The following TRMO variants were observed in gnomAD, a reference collection of about 807,000 sequenced individuals.
The protein encoded by TRMO is tRNA (adenine(37)-N6)-methyltransferase.
TRMO carries 30 observed loss-of-function variants against 37.2 expected under a neutral mutation model. That is an observed-to-expected ratio of 0.81 (90% confidence interval 0.60 to 1.09). The LOEUF (loss-of-function observed/expected upper bound fraction) is 1.09. Ranked by LOEUF, TRMO falls within the 50% of genes least tolerant of loss-of-function variation. The pLI is 0.00. For missense variants in TRMO, 552 were observed against 549.5 expected (o/e 1.00, Z -0.05); for synonymous variants, 239 against 199.4 (o/e 1.20, Z -1.67).
rs371742759 is a variant in TRMO at position 97,919,746 on chromosome 9, G to A, written c.76+2672C>T. On this transcript the variant is annotated intron_variant, in intron 1 of 4. Coordinates refer to ENST00000375119, the MANE Select transcript of TRMO (RefSeq NM_016481.5). ...TTTTCACAGATTACACATATGATATGATAAATATAAGTGGCTGCCAATTAG... is the reference window on the plus strand; with the variant it reads ...TTTTCACAGATTACACATATGATATAATAAATATAAGTGGCTGCCAATTAG... Among the ~76,000 whole-genome samples, 30 of 152,272 alleles carry A rather than the reference G, an allele frequency of 2.0e-4. 1 individual carries two copies. Among genetic ancestry groups the A allele is most frequent in the African/African-American group, 7.2e-4 (30 of 41,562 alleles).
At chr9:97,898,836 TAC>T in the TRMO span, among the ~76,000 whole-genome samples, 1 of 125,052 alleles carries the variant, frequency 8.0e-6, no homozygotes, top group Non-Finnish European at 1.6e-5. Context: ...TATATATATA[TAC>T]TTTTTTTTTT....
chr9:97,910,750 C>G (rs1348300957), intron 3 of TRMO, 134 bp from the exon 4 acceptor site: 5 of 965,068 alleles, frequency 5.2e-6, no homozygotes, highest in Non-Finnish European at 7.6e-6. Flanking sequence ...AGACCTAGTA[C>G]CAACACACAC....
intron 3 of TRMO, chr9:97,911,387 A>G (rs1240792450): frequency 6.5e-6 from 1 of 152,962 alleles, no homozygotes; most frequent in Non-Finnish European, 1.5e-5. Context: ...GCCAACAACC[A>G]GCAAGAATCT....
intron 1 of TRMO, among the ~76,000 whole-genome samples, chr9:97,918,907 G>T (rs1471515506): frequency 6.6e-6 from 1 of 152,104 alleles, no homozygotes; most frequent in Non-Finnish European, 1.5e-5. Context: ...TTTAGAGAAT[G>T]ATTTTGTTAC....
chr9:97,898,874 C>T, the TRMO span, among the ~76,000 whole-genome samples: 1 of 107,948 alleles, frequency 9.3e-6, no homozygotes. Flanking sequence ...GAGACTCGCT[C>T]TGTCAGCCAG....
At chr9:97,918,228 A>C (rs1363983374) in intron 1 of TRMO, among the ~76,000 whole-genome samples, 1 of 145,868 alleles carries the variant, frequency 6.9e-6, no homozygotes, top group Non-Finnish European at 1.5e-5. Context: ...TAGAAGTACA[A>C]AAAAAAAAAA....
intron 4 of TRMO, 147 bp from the exon 5 acceptor site, chr9:97,905,139 G>A (rs1326298923): frequency 1.3e-5 from 12 of 890,254 alleles, no homozygotes; most frequent in Non-Finnish European, 2.1e-5. Context: ...TACGGAGACT[G>A]TCACCGTCAA....
At chr9:97,921,254 A>G (rs886345825) in intron 1 of TRMO, among the ~76,000 whole-genome samples, 4 of 152,320 alleles carry the variant, frequency 2.6e-5, no homozygotes, top group African/African-American at 9.6e-5. Context: ...ATTAGAGCAC[A>G]TATCTAAAAC....
intron 1 of TRMO, among the ~76,000 whole-genome samples, chr9:97,921,734 T>C (rs762693483): frequency 2.0e-4 from 30 of 152,212 alleles, no homozygotes; most frequent in Non-Finnish European, 4.0e-4. Flanking sequence ...CAAAGTGTTA[T>C]AATTAACATT....
At chr9:97,915,959 T>G (rs1276927950) in intron 2 of TRMO, among the ~76,000 whole-genome samples, 3 of 152,172 alleles carry the variant, frequency 2.0e-5, no homozygotes, top group African/African-American at 7.2e-5. Context: ...AAGGATACCT[T>G]GAGCTCGGGA....
intron 1 of TRMO, among the ~76,000 whole-genome samples, chr9:97,918,789 C>T (rs755382401): frequency 2.6e-5 from 4 of 152,164 alleles, no homozygotes; most frequent in East Asian, 1.9e-4. Context: ...AAAACTAGAG[C>T]GTTACTAACG....
Position 97,904,848 on chromosome 9 carries a change from G to A in TRMO, c.1211C>T (p.Ala404Val), listed in dbSNP as rs749741132. Residue 404 changes from alanine to valine, a missense_variant, in exon 5 of 5, where the codon GCG (alanine) becomes GTG (valine). Transcript: ENST00000375119. Reference protein sequence around the residue: ...DRLFYFTVDIAHVTCWFGDGF... With the variant: ...DRLFYFTVDIVHVTCWFGDGF... ...ATCACCAAACCAGCAAGTGACATGC[G>A]CTATGTCTACAGTAAAGTAGAAAAG... 5 of 1,614,028 alleles carry A rather than the reference G, an allele frequency of 3.1e-6. No homozygotes were observed. Among genetic ancestry groups the A allele is most frequent in the East Asian group, 2.2e-5 (1 of 44,902 alleles).
At chr9:97,917,394 G>A (rs1016783305) in intron 1 of TRMO, among the ~76,000 whole-genome samples, 1 of 152,196 alleles carries the variant, frequency 6.6e-6, no homozygotes, top group Admixed American at 6.5e-5. Flanking sequence ...CCTCTAGAAT[G>A]TAAGCTCCAT....
At chr9:97,921,017 A>G (rs1018221371) in intron 1 of TRMO, among the ~76,000 whole-genome samples, 2 of 152,174 alleles carry the variant, frequency 1.3e-5, no homozygotes, top group African/African-American at 2.4e-5. Context: ...TAGACTTCTG[A>G]GCCCTGGCTT....
Position 97,910,392 on chromosome 9 carries a change from G to A in TRMO, c.634C>T (p.His212Tyr), listed in dbSNP as rs1826062275. The change falls in exon 4 of 5, where the codon CAC (histidine) becomes TAC (tyrosine). Residue 212 changes from histidine (H) to tyrosine (Y), a missense_variant. Coordinates refer to ENST00000375119, the MANE Select transcript of TRMO (RefSeq NM_016481.5). The part of the protein sequence containing the change: ...QLSGCDEPQP[H>Y]HSTKRKPKCP... The stretch of plus-strand genomic sequence containing the variant: ...TTAGGTTTCCTCTTAGTGCTATGGT[G>A]GGGTTGTGGCTCATCACACCCTGAG... The A allele has an allele frequency of 6.2e-7, 1 of 1,614,198 alleles. No homozygotes were observed.
the TRMO span, among the ~76,000 whole-genome samples, chr9:97,899,193 G>C: frequency 6.6e-6 from 1 of 151,926 alleles, no homozygotes; most frequent in Non-Finnish European, 1.5e-5. Context: ...GCTAGGATTA[G>C]GAAAGAAAGT....
At chr9:97,912,805 C>G in intron 3 of TRMO, 1 of 647,062 alleles carries the variant, frequency 1.5e-6, no homozygotes, top group Non-Finnish European at 2.5e-6. Flanking sequence ...GAATGGAATG[C>G]TTTCCATAAA....
At chr9:97,907,541 T>C (rs1023104556) in intron 4 of TRMO, among the ~76,000 whole-genome samples, 1 of 152,176 alleles carries the variant, frequency 6.6e-6, no homozygotes, top group Admixed American at 6.5e-5. Flanking sequence ...TTTCTGGATA[T>C]AGAATGAAAG....
chr9:97,904,565 G>A lies in TRMO; in HGVS notation c.*168C>T. ...TCTGTATTTTATATCTCTTTGTTAAGTTTATTAATGTATACGTTTTTCAAA... is the reference window on the plus strand; with the variant it reads ...TCTGTATTTTATATCTCTTTGTTAAATTTATTAATGTATACGTTTTTCAAA... On this transcript the variant is annotated 3_prime_UTR_variant, in exon 5 of 5. Transcript: ENST00000375119. 6.9e-7 allele frequency: 1 copy of A among 1,454,482 alleles called. No homozygotes were observed. Among genetic ancestry groups the A allele is most frequent in the Non-Finnish European group, 9.0e-7 (1 of 1,108,608 alleles). 90.1% of individuals were successfully genotyped at this position (1,454,482 alleles called of 1,614,324 possible).
Sources: allele counts gnomAD v4.1 joint callset (sites outside exome capture counted in the v4.1 genomes callset), GRCh38; gene constraint gnomAD v4.1.1; transcripts MANE v1.5; gene names NCBI Gene and HGNC (gene_info 2026-07-23, HGNC 2026-07-21).